NFIB: variants seen among roughly 807,000 people sequenced by gnomAD.
NFIB encodes nuclear factor I B, also known as nuclear factor 1 B-type.
NFIB carries 11 observed loss-of-function variants against 61.5 expected under a neutral mutation model. The ratio of observed to expected loss-of-function variants is 0.18; its 90% CI spans 0.11 to 0.30. The LOEUF is 0.30. Among genes scored for constraint, NFIB ranks in the 10% least tolerant of loss-of-function variants. The pLI is 1.00. For missense variants in NFIB, 471 were observed against 608.9 expected, an observed-to-expected ratio of 0.77 and a Z score of 2.38; for synonymous variants, 260 against 216.5, an observed-to-expected ratio of 1.20 and a Z score of -1.76.
At chr9:14,530,241 T>C in the NFIB span, among the ~76,000 whole-genome samples, 1 of 152,200 alleles carries the variant, frequency 6.6e-6, no homozygotes, top group East Asian at 1.9e-4. Context: ...TACACAAACA[T>C]TTCACAGCAT....
At chr9:14,403,840 C>T (rs1246811193), upstream of NFIB, among the ~76,000 whole-genome samples, 1 of 152,078 alleles carries the variant, frequency 6.6e-6, no homozygotes, top group Non-Finnish European at 1.5e-5. Context: ...GGAAGGAATT[C>T]TATAAGAAAA....
At chr9:14,480,609 T>C in the NFIB span, among the ~76,000 whole-genome samples, 164 of 152,308 alleles carry the variant, frequency 1.1e-3, 1 homozygote, top group Admixed American at 2.8e-3. Context: ...AAACGTTTAT[T>C]GGCTTCCAGC....
At chr9:14,295,149 C>T (rs2059348796) in intron 2 of NFIB, among the ~76,000 whole-genome samples, 1 of 151,670 alleles carries the variant, frequency 6.6e-6, no homozygotes, top group African/African-American at 2.4e-5. Context: ...TTTCTTAACA[C>T]GATAGAAAAG....
At chr9:14,199,799 C>T (rs2050285607) in intron 2 of NFIB, among the ~76,000 whole-genome samples, 4 of 152,018 alleles carry the variant, frequency 2.6e-5, no homozygotes, top group Non-Finnish European at 5.9e-5. Context: ...TTTCACAAAA[C>T]TCCTGAAGAT....
At chr9:14,338,196 C>G (rs1017672627) in intron 1 of NFIB, among the ~76,000 whole-genome samples, 1 of 152,100 alleles carries the variant, frequency 6.6e-6, no homozygotes, top group African/African-American at 2.4e-5. Flanking sequence ...AGATCGAGAC[C>G]ATCCTGTCTA....
intron 2 of NFIB, among the ~76,000 whole-genome samples, chr9:14,236,632 A>G (rs958661543): frequency 3.9e-5 from 6 of 152,212 alleles, no homozygotes; most frequent in Non-Finnish European, 8.8e-5. Flanking sequence ...CGTCATTGCT[A>G]CAATTAAATT....
intron 3 of NFIB, among the ~76,000 whole-genome samples, chr9:14,179,032 A>C (rs2046466253): frequency 6.6e-6 from 1 of 152,126 alleles, no homozygotes; most frequent in African/African-American, 2.4e-5. Flanking sequence ...CATTCTTTTA[A>C]TAATGAAAAA....
At chr9:14,319,255 C>T (rs553479949) in intron 1 of NFIB, among the ~76,000 whole-genome samples, 2 of 151,472 alleles carry the variant, frequency 1.3e-5, no homozygotes, top group East Asian at 3.9e-4. Flanking sequence ...AGTTATAATA[C>T]AGTTCTGATC....
chr9:14,260,080 G>A (rs186741915), intron 2 of NFIB, among the ~76,000 whole-genome samples: 9 of 152,292 alleles, frequency 5.9e-5, no homozygotes, highest in Non-Finnish European at 1.5e-5. Flanking sequence ...CAGGTGCCAA[G>A]TAGAACTGCT....
At chr9:14,460,869 C>T in the NFIB span, among the ~76,000 whole-genome samples, 3 of 152,056 alleles carry the variant, frequency 2.0e-5, no homozygotes, top group South Asian at 6.2e-4. Flanking sequence ...GCTTGTTATT[C>T]CAACTTCACT....
At chr9:14,298,837 G>A (rs904114598) in intron 2 of NFIB, among the ~76,000 whole-genome samples, 3 of 152,182 alleles carry the variant, frequency 2.0e-5, no homozygotes, top group East Asian at 1.9e-4. Flanking sequence ...AAGTTACAGC[G>A]CAAATGAATT....
At chr9:14,433,152 G>C in the NFIB span, among the ~76,000 whole-genome samples, 1 of 152,084 alleles carries the variant, frequency 6.6e-6, no homozygotes, top group Admixed American at 6.5e-5. Context: ...GACATTTTCA[G>C]GCTGTATTGT....
chr9:14,424,116 C>T, the NFIB span, among the ~76,000 whole-genome samples: 5 of 152,132 alleles, frequency 3.3e-5, no homozygotes, highest in Non-Finnish European at 5.9e-5. Context: ...ACTCTATGCT[C>T]ATAACACCGA....
At chr9:14,322,458 T>A (rs1029863918) in intron 1 of NFIB, 2 of 230,580 alleles carry the variant, frequency 8.7e-6, no homozygotes, top group Non-Finnish European at 1.7e-5. Context: ...CGCCCTCGGA[T>A]TGGCCTGGCC....
At chr9:14,491,933 A>G in the NFIB span, among the ~76,000 whole-genome samples, 13 of 152,178 alleles carry the variant, frequency 8.5e-5, no homozygotes, top group Admixed American at 1.3e-4. Flanking sequence ...AATCTCATGC[A>G]TTGGCACCTC....
chr9:14,398,907 G>A (rs945994581), exon 1 of NFIB: 10 of 343,348 alleles, frequency 2.9e-5, no homozygotes, highest in African/African-American at 1.3e-4. Context: ...CTTTTAGATC[G>A]GTGTCAGCTC....
the NFIB span, among the ~76,000 whole-genome samples, chr9:14,451,819 AATTTTCATGAAAATGTTT>A: frequency 6.6e-6 from 1 of 151,988 alleles, no homozygotes; most frequent in South Asian, 2.1e-4. Flanking sequence ...TTTTGATTTG[AATTTTCATGAAAATGTTT>A]ATTTTCATGA....
intron 2 of NFIB, among the ~76,000 whole-genome samples, chr9:14,198,811 C>CTAT (rs2048719996): frequency 6.6e-6 from 1 of 152,174 alleles, no homozygotes; most frequent in South Asian, 2.1e-4. Context: ...CAGTATGTGA[C>CTAT]TATAGAGTCC....
intron 1 of NFIB, among the ~76,000 whole-genome samples, chr9:14,372,818 G>C (rs16931627): frequency 0.012 from 1,892 of 152,316 alleles, 43 homozygotes; most frequent in African/African-American, 0.043. Flanking sequence ...TTGATGTCCT[G>C]TGAACTGAAC....
Sources: gnomAD v4.1 joint callset for allele counts (sites outside exome capture counted in the v4.1 genomes callset) on GRCh38, gnomAD v4.1.1 for gene constraint, MANE v1.5 for transcripts, NCBI Gene and HGNC (gene_info 2026-07-23, HGNC 2026-07-21) for gene names.